Variants in ZNF267 observed in about 807,000 individuals in gnomAD.
The protein encoded by ZNF267 is zinc finger (C2H2).
A neutral mutation model predicts 71.6 loss-of-function variants in ZNF267; 61 were observed. The ratio of observed to expected loss-of-function variants is 0.85; its 90% CI spans 0.69 to 1.05. The LOEUF is 1.05. ZNF267 is among the 50% of genes least tolerant of loss of function. The pLI, the probability that ZNF267 is intolerant of heterozygous loss-of-function variation, is 0.00. For synonymous variants in ZNF267, 288 were observed against 293.2 expected (o/e 0.98, Z 0.18); for missense variants, 852 against 870.0 (o/e 0.98, Z 0.26).
intron 1 of ZNF267, among the ~76,000 whole-genome samples, chr16:31,880,110 C>T (rs749993152): frequency 4.6e-5 from 7 of 152,130 alleles, no homozygotes; most frequent in Non-Finnish European, 1.0e-4. Context: ...ACCTGGGATC[C>T]ACAAGACAGG....
intron 3 of ZNF267, among the ~76,000 whole-genome samples, chr16:31,885,506 C>T (rs1218161742): frequency 6.6e-6 from 1 of 152,200 alleles, no homozygotes; most frequent in Non-Finnish European, 1.5e-5. Context: ...CTCCCCTTGG[C>T]CTGTGAGGGC....
Position 31,915,839 on chromosome 16 carries a change from T to C in ZNF267, c.1590T>C (p.Thr530=). 6.2e-7 allele frequency: 1 copy of C among 1,613,482 alleles called. No homozygotes were observed. Among genetic ancestry groups the C allele is most frequent in the East Asian group, 2.2e-5 (1 of 44,826 alleles). ...YKCKVCAKPF[T]CFSNLIVHER... ...GCAAAGTATGTGCTAAACCTTTTACTTGTTTCTCAAATCTTATTGTGCATG... is the reference window on the plus strand; with the variant it reads ...GCAAAGTATGTGCTAAACCTTTTACCTGTTTCTCAAATCTTATTGTGCATG... The change falls in exon 4 of 4, where the codon ACT becomes ACC. Residue 530 remains threonine, a synonymous_variant. Transcript: ENST00000300870.
Position 31,915,134 on chromosome 16 carries a change from T to C in ZNF267, c.885T>C (p.Tyr295=), listed in dbSNP as rs753386154. ...HQTIHIRENS[Y]SYNKYDKDLS... ...CCATCCATATCAGAGAAAACTCATA[T>C]AGCTATAACAAATATGATAAAGATC... is the stretch of plus-strand genomic sequence containing the variant. Residue 295 remains tyrosine (Y), a synonymous_variant, in exon 4 of 4, where the codon TAT becomes TAC. Transcript: ENST00000300870. 10 of 1,613,154 alleles carry C rather than the reference T, an allele frequency of 6.2e-6. No individual in the cohort carries two copies. Among genetic ancestry groups the C allele is most frequent in the Non-Finnish European group, 8.5e-6 (10 of 1,179,750 alleles).
chr16:31,878,083 A>G (rs986156073), intron 1 of ZNF267, among the ~76,000 whole-genome samples: 1 of 151,718 alleles, frequency 6.6e-6, no homozygotes, highest in Non-Finnish European at 1.5e-5. Context: ...GCCTGCGCTG[A>G]CTCTGCGTGG....
At position 31,915,507 on chromosome 16, in the gene ZNF267, A is replaced by G. The variant is rs1291311867; in HGVS notation, c.1258A>G (p.Ser420Gly). ...CKECGKAFRCSSYLTKHKRIH... is the reference protein window; with the variant it reads ...CKECGKAFRCGSYLTKHKRIH... ...AGAATGTGGCAAAGCCTTTCGCTGT[A>G]GTTCATACCTTACTAAACATAAGCG... is the stretch of plus-strand genomic sequence containing the variant. The change falls in exon 4 of 4, where the codon AGT becomes GGT. Residue 420 changes from serine (S) to glycine (G), a missense_variant. Transcript: ENST00000300870. 1.9e-6 allele frequency: 3 copies of G among 1,613,108 alleles called. No homozygotes were observed. The highest frequency in any genetic ancestry group is 1.7e-5 in the Admixed American group (1 of 59,866).
chr16:31,880,649 G>A (rs1481464323), intron 1 of ZNF267, among the ~76,000 whole-genome samples: 1 of 152,192 alleles, frequency 6.6e-6, no homozygotes. Context: ...CAGGGGACAG[G>A]CTGACAACGG....
chr16:31,915,655 G>T lies in ZNF267; in HGVS notation c.1406G>T (p.Cys469Phe). The T allele has an allele frequency of 1.9e-6, 3 of 1,613,912 alleles. No individual in the cohort carries two copies. Among genetic ancestry groups the T allele is most frequent in the Non-Finnish European group, 2.5e-6 (3 of 1,179,962 alleles). ...TGEKLYKCKV[C>F]SKSYARSSNL... ...GAAAAACTTTACAAATGTAAAGTAT[G>T]TAGCAAATCTTATGCTCGTTCTTCA... The change falls in exon 4 of 4, where the codon TGT (cysteine) becomes TTT (phenylalanine). Residue 469 changes from cysteine (C) to phenylalanine (F), a missense_variant. Physicochemically the swap from Cys to Phe is radical, Grantham distance 205. Coordinates refer to ENST00000300870, the MANE Select transcript of ZNF267 (RefSeq NM_003414.6).
At chr16:31,894,924 A>G in intron 3 of ZNF267, 1 of 360,332 alleles carries the variant, frequency 2.8e-6, no homozygotes, top group South Asian at 2.8e-5. Flanking sequence ...TAGTGCCAGC[A>G]TTTCTGGAAT....
At chr16:31,894,201 A>C (rs542965743) in intron 3 of ZNF267, among the ~76,000 whole-genome samples, 3 of 152,308 alleles carry the variant, frequency 2.0e-5, no homozygotes, top group East Asian at 3.9e-4. Flanking sequence ...TCATTTCTTC[A>C]AATTTGATGA....
intron 3 of ZNF267, among the ~76,000 whole-genome samples, chr16:31,904,045 T>C (rs2084065673): frequency 3.3e-5 from 5 of 152,192 alleles, no homozygotes; most frequent in Admixed American, 1.3e-4. Flanking sequence ...TCGTTATGTA[T>C]CCAGTAGTCA....
Position 31,909,120 on chromosome 16 carries a change from C to CTTTTTTTTTTTTTTTTTTTTTTT in ZNF267, c.227-5352_227-5330dup, listed in dbSNP as rs34409182. Among the ~76,000 whole-genome samples the CTTTTTTTTTTTTTTTTTTTTTTT allele has an allele frequency of 4.4e-4, 20 of 45,334 alleles. 1 individual carries two copies. The highest frequency in any genetic ancestry group is 9.6e-4 in the East Asian group (1 of 1,040). 29.7% of individuals were successfully genotyped at this position (45,334 alleles called of 152,430 possible). Reference sequence around the variant, plus strand: ...TTCTATCTTCTATTTCTTTTCTTTTCTTTTTTTTTTTTTTTTTTTTTTTTT... The same window carrying CTTTTTTTTTTTTTTTTTTTTTTT: ...TTCTATCTTCTATTTCTTTTCTTTTCTTTTTTTTTTTTTTTTTTTTTTTTTTTTTTTTTTTTTTTTTTTTTTTT... On this transcript the variant is annotated intron_variant, in intron 3 of 3. Coordinates refer to ENST00000300870, the MANE Select transcript of ZNF267 (RefSeq NM_003414.6).
In ZNF267 at chr16:31,915,737, A is replaced by G; in HGVS notation, c.1488A>G (p.Glu496=). 6.2e-7 allele frequency: 1 copy of G among 1,613,360 alleles called. No individual in the cohort carries two copies. Among genetic ancestry groups the G allele is most frequent in the South Asian group, 1.1e-5 (1 of 90,998 alleles). The change falls in exon 4 of 4, where the codon GAA becomes GAG. Residue 496 remains glutamate (E), a synonymous_variant. Transcript: ENST00000300870. The stretch of plus-strand genomic sequence containing the variant: ...GAGAGAAGCCTTATAAATGTAAAGA[A>G]TGTGGCAAAGTCTTTAGCCGTAGTT... ...HTGEKPYKCK[E]CGKVFSRSSC...
At chr16:31,886,399 C>A (rs369488186) in intron 3 of ZNF267, among the ~76,000 whole-genome samples, 22 of 152,188 alleles carry the variant, frequency 1.4e-4, no homozygotes, top group Admixed American at 1.4e-3. Flanking sequence ...ACTGCCTGAT[C>A]GCTGCCTCCT....
intron 3 of ZNF267, chr16:31,912,956 CATCT>C (rs1419556938): frequency 1.3e-5 from 2 of 152,160 alleles, no homozygotes; most frequent in African/African-American, 4.8e-5. Context: ...TATGTTGAAT[CATCT>C]GTCTGAAAAG....
At chr16:31,881,809 G>T (rs2083892397) in intron 1 of ZNF267, among the ~76,000 whole-genome samples, 1 of 151,654 alleles carries the variant, frequency 6.6e-6, no homozygotes, top group Non-Finnish European at 1.5e-5. Context: ...TGGGATTATA[G>T]GTGTGCCACC....
chr16:31,877,612 T>C (rs971243432), intron 1 of ZNF267, among the ~76,000 whole-genome samples: 1 of 152,288 alleles, frequency 6.6e-6, no homozygotes, highest in South Asian at 2.1e-4. Flanking sequence ...AGTAGTTTAT[T>C]CTGAACACTG....
chr16:31,909,805 C>T (rs564612760), intron 3 of ZNF267, among the ~76,000 whole-genome samples: 1 of 152,262 alleles, frequency 6.6e-6, no homozygotes, highest in South Asian at 2.1e-4. Flanking sequence ...TGTTGAATAA[C>T]AGTGTTGAAA....
chr16:31,915,316 G>C lies in ZNF267; in HGVS notation c.1067G>C (p.Gly356Ala). The part of the protein sequence containing the change: ...EEKPCKWKEC[G>A]KVFNLNCSLY... ...AAACCCTGTAAATGGAAAGAATGTGGCAAGGTCTTTAACCTTAACTGTAGT... is the reference window on the plus strand; with the variant it reads ...AAACCCTGTAAATGGAAAGAATGTGCCAAGGTCTTTAACCTTAACTGTAGT... Residue 356 changes from glycine (G) to alanine (A), a missense_variant, in exon 4 of 4, where the codon GGC (glycine) becomes GCC (alanine). Physicochemically the swap from Gly to Ala is moderately conservative, Grantham distance 60. Transcript: ENST00000300870. 6.2e-7 allele frequency: 1 copy of C among 1,613,890 alleles called. No individual in the cohort carries two copies. Among genetic ancestry groups the C allele is most frequent in the African/African-American group, 1.3e-5 (1 of 75,036 alleles).
chr16:31,885,148 T>C lies in ZNF267; in HGVS notation c.131-13T>C. On this transcript the variant is annotated splice_polypyrimidine_tract_variant and intron_variant, in intron 2 of 3. Coordinates refer to ENST00000300870, the MANE Select transcript of ZNF267 (RefSeq NM_003414.6). Reference sequence around the variant, plus strand: ...CCTCATTAAGAGTCATGTGAATTTTTCCAATAAAACAGGTCTTGTTGTCTC... The same window carrying C: ...CCTCATTAAGAGTCATGTGAATTTTCCCAATAAAACAGGTCTTGTTGTCTC... 6.3e-7 allele frequency: 1 copy of C among 1,577,856 alleles called. No individual in the cohort carries two copies.
Sources: allele counts gnomAD v4.1 joint callset (sites outside exome capture counted in the v4.1 genomes callset), GRCh38; gene constraint gnomAD v4.1.1; transcripts MANE v1.5; gene names NCBI Gene and HGNC (gene_info 2026-07-23, HGNC 2026-07-21).